Variants in SLC12A6 observed in about 807,000 individuals in gnomAD.
SLC12A6 encodes solute carrier family 12 member 6, also known as K-Cl cotransporter 3.
SLC12A6 carries 66 observed loss-of-function variants against 135.3 expected under a neutral mutation model. The observed-to-expected ratio is 0.49, with a 90% CI of 0.40 to 0.60. SLC12A6 has a LOEUF of 0.60. SLC12A6 is among the 20% of genes least tolerant of loss of function. SLC12A6 has a pLI of 0.00. For synonymous variants in SLC12A6, 513 were observed against 508.8 expected (o/e 1.01, Z -0.11); for missense variants, 1,058 against 1,452.3 (o/e 0.73, Z 4.41).
At chr15:34,309,728 T>C (rs1188910920) in intron 2 of SLC12A6, among the ~76,000 whole-genome samples, 1 of 152,194 alleles carries the variant, frequency 6.6e-6, no homozygotes, top group Non-Finnish European at 1.5e-5. Flanking sequence ...TTAGTCTTTC[T>C]GACAATGGCT....
chr15:34,249,915 A>AT (rs1566810905), intron 13 of SLC12A6, among the ~76,000 whole-genome samples: 1 of 152,064 alleles, frequency 6.6e-6, no homozygotes, highest in African/African-American at 2.4e-5. Flanking sequence ...AGGTTGGGTT[A>AT]TTTTTTTGAG....
intron 13 of SLC12A6, among the ~76,000 whole-genome samples, chr15:34,248,572 A>G (rs867921986): frequency 1.4e-5 from 2 of 144,138 alleles, no homozygotes; most frequent in Non-Finnish European, 3.1e-5. Context: ...CCCCACCCAC[A>G]CACACACACA....
chr15:34,322,126 C>T (rs1298842460), intron 2 of SLC12A6, among the ~76,000 whole-genome samples: 4 of 152,124 alleles, frequency 2.6e-5, no homozygotes, highest in African/African-American at 7.2e-5. Context: ...TGGCTCACAC[C>T]TATAATCCCA....
chr15:34,309,406 T>C (rs1887990391), intron 2 of SLC12A6, among the ~76,000 whole-genome samples: 1 of 152,210 alleles, frequency 6.6e-6, no homozygotes, highest in South Asian at 2.1e-4. Flanking sequence ...GCATATTTTA[T>C]AGCAATTTTT....
At chr15:34,235,518 T>C (rs772204615) in intron 24 of SLC12A6, among the ~76,000 whole-genome samples, 1 of 142,388 alleles carries the variant, frequency 7.0e-6, no homozygotes, top group Non-Finnish European at 1.5e-5. Context: ...CACAGCAACC[T>C]CCGCCTCCCA....
intron 2 of SLC12A6, among the ~76,000 whole-genome samples, chr15:34,329,252 G>A (rs967965241): frequency 2.6e-5 from 4 of 152,224 alleles, no homozygotes; most frequent in Admixed American, 2.6e-4. Context: ...TGATGGCTCA[G>A]GGCACAAAGG....
Position 34,258,821 on chromosome 15 carries a change from G to C in SLC12A6, c.535C>G (p.Pro179Ala). Reference sequence around the variant, plus strand: ...TTATTCTGAGGCCTCACCTTGGTGGGCTTCTTTTTCCCTTCAGTGATGTTT... The same window carrying C: ...TTATTCTGAGGCCTCACCTTGGTGGCCTTCTTTTTCCCTTCAGTGATGTTT... Reference protein sequence around the residue: ...AENITEGKKKPTKTPQMGTFM... With the variant: ...AENITEGKKKATKTPQMGTFM... Residue 179 changes from proline (P) to alanine (A), a missense_variant, in exon 5 of 26, where the codon CCC becomes GCC. Coordinates refer to ENST00000354181, the MANE Select transcript of SLC12A6 (RefSeq NM_001365088.1). 5 of 1,613,154 alleles carry C rather than the reference G, an allele frequency of 3.1e-6. No homozygotes were observed. Among genetic ancestry groups the C allele is most frequent in the Non-Finnish European group, 4.2e-6 (5 of 1,179,186 alleles).
intron 2 of SLC12A6, among the ~76,000 whole-genome samples, chr15:34,312,578 G>A (rs1407311940): frequency 6.6e-6 from 1 of 152,182 alleles, no homozygotes; most frequent in Non-Finnish European, 1.5e-5. Flanking sequence ...GAAGAAAACA[G>A]TCAAGAAAGA....
intron 5 of SLC12A6, among the ~76,000 whole-genome samples, chr15:34,258,448 C>T (rs1183674743): frequency 6.6e-6 from 1 of 152,198 alleles, no homozygotes; most frequent in African/African-American, 2.4e-5. Flanking sequence ...GATCTCTCCT[C>T]AAATATCACC....
At chr15:34,298,197 C>A (rs1057309529) in intron 2 of SLC12A6, among the ~76,000 whole-genome samples, 6 of 151,982 alleles carry the variant, frequency 3.9e-5, no homozygotes, top group African/African-American at 9.7e-5. Flanking sequence ...AAGGAAAGAA[C>A]AAAAATAGGC....
intron 2 of SLC12A6, among the ~76,000 whole-genome samples, chr15:34,310,062 G>A (rs1177861013): frequency 1.3e-5 from 2 of 150,736 alleles, no homozygotes; most frequent in Non-Finnish European, 2.9e-5. Context: ...AGGATAGAGT[G>A]CAGTGGCATG....
chr15:34,272,142 T>C (rs1056529155), intron 3 of SLC12A6, among the ~76,000 whole-genome samples: 2 of 151,870 alleles, frequency 1.3e-5, no homozygotes, highest in African/African-American at 2.4e-5. Context: ...GCCCGGCCAA[T>C]TTTTTTTAAG....
At chr15:34,291,378 T>C (rs898663133) in intron 2 of SLC12A6, among the ~76,000 whole-genome samples, 1 of 152,232 alleles carries the variant, frequency 6.6e-6, no homozygotes, top group African/African-American at 2.4e-5. Flanking sequence ...TTTCCTTTTG[T>C]GGGTAACCTG....
rs574842293 is a variant in SLC12A6 at position 34,249,845 on chromosome 15, C to T, written c.1649+453G>A. On this transcript the variant is annotated intron_variant, in intron 13 of 25. Transcript: ENST00000354181. ...CTGTCTCATATATTCACTGAAAATA[C>T]TGGCCCCTTTGGGAACTACATTCAT... Among the ~76,000 whole-genome samples the T allele has an allele frequency of 9.2e-5, 14 of 152,290 alleles. No individual in the cohort carries two copies. In the South Asian group the frequency reaches 2.9e-3, roughly 32 times the overall value.
At chr15:34,281,556 G>C (rs369344067) in intron 2 of SLC12A6, among the ~76,000 whole-genome samples, 2 of 152,128 alleles carry the variant, frequency 1.3e-5, no homozygotes, top group Non-Finnish European at 2.9e-5. Flanking sequence ...TTGGGAGGCC[G>C]AGGCGAGTGG....
At chr15:34,245,246 T>C (rs1166644821) in intron 15 of SLC12A6, 39 bp downstream of exon 15, 2 of 1,080,568 alleles carry the variant, frequency 1.9e-6, no homozygotes, top group African/African-American at 3.1e-5. Flanking sequence ...TTATTTATCA[T>C]TTAAGCAAGA....
intron 18 of SLC12A6, 99 bp from the exon 19 acceptor site, chr15:34,240,928 G>C: frequency 2.2e-6 from 2 of 930,140 alleles, no homozygotes; most frequent in East Asian, 2.6e-5. Flanking sequence ...AGATCTGTAT[G>C]AAACAGGTAA....
intron 2 of SLC12A6, among the ~76,000 whole-genome samples, chr15:34,309,201 T>G (rs1387215024): frequency 2.0e-5 from 3 of 152,344 alleles, no homozygotes; most frequent in South Asian, 4.1e-4. Context: ...TCTTTCAGCC[T>G]GGCCAAAGCA....
intron 2 of SLC12A6, among the ~76,000 whole-genome samples, chr15:34,316,254 T>C (rs1447630209): frequency 1.3e-5 from 2 of 152,142 alleles, no homozygotes; most frequent in Non-Finnish European, 1.5e-5. Flanking sequence ...AACTGGCCAA[T>C]GTTGGAAGTG....
Sources: allele counts gnomAD v4.1 joint callset (sites outside exome capture counted in the v4.1 genomes callset), GRCh38; gene constraint gnomAD v4.1.1; transcripts MANE v1.5; gene names NCBI Gene and HGNC (gene_info 2026-07-23, HGNC 2026-07-21).